Variants in SSH1 observed in about 807,000 individuals in gnomAD.
The protein encoded by SSH1 is protein phosphatase Slingshot homolog 1.
A neutral mutation model predicts 79.7 loss-of-function variants in SSH1; 43 were observed. The ratio of observed to expected loss-of-function variants is 0.54; its 90% CI spans 0.42 to 0.70. The LOEUF (loss-of-function observed/expected upper bound fraction) is 0.70. Ranked by LOEUF, SSH1 falls within the 30% of genes least tolerant of loss-of-function variation. The pLI, the probability that SSH1 is intolerant of heterozygous loss-of-function variation, is 0.00. For synonymous variants in SSH1, 599 were observed against 538.3 expected, an observed-to-expected ratio of 1.11 and a Z score of -1.56; for missense variants, 1,206 against 1,358.8, an observed-to-expected ratio of 0.89 and a Z score of 1.77.
At chr12:108,800,958 G>C (rs2036974730) in intron 11 of SSH1, 32 bp from the exon 12 acceptor site, 1 of 1,601,910 alleles carries the variant, frequency 6.2e-7, no homozygotes, top group Admixed American at 1.7e-5. Flanking sequence ...AAACAAATTT[G>C]GACAATCTGA....
Position 108,792,656 on chromosome 12 carries a change from G to C in SSH1, c.1523C>G (p.Pro508Arg), listed in dbSNP as rs1475410779. ...AAQPGLGPPL[P>R]CCFRRLSDPL... The stretch of plus-strand genomic sequence containing the variant: ...GTCTGAGAGTCGCCGGAAACAGCAG[G>C]GGAGGGGGGGCCCTAAGCCGGGCTG... The change falls in exon 14 of 15, where the codon CCC (proline) becomes CGC (arginine). Residue 508 changes from proline to arginine, a missense_variant. By Grantham distance (103) the Pro-to-Arg change is moderately radical. This residue lies in a region of SSH1 where 709 missense variants were observed against 730.6 expected (regional missense o/e 0.97). Transcript: ENST00000326495. 3 of 1,611,942 alleles carry C rather than the reference G, an allele frequency of 1.9e-6. No individual in the cohort carries two copies. The South Asian group carries it at 3.3e-5, about 18-fold the overall frequency.
chr12:108,852,866 A>T, intron 1 of SSH1, 188 bp from the exon 2 acceptor site: 2 of 985,102 alleles, frequency 2.0e-6, no homozygotes, highest in Non-Finnish European at 2.4e-6. Flanking sequence ...TCCGTGGGGG[A>T]ATTTTCAGGT....
Position 108,807,764 on chromosome 12 carries a change from C to T in SSH1, c.600G>A (p.Gly200=), listed in dbSNP as rs748845939. 2.1e-5 allele frequency: 34 copies of T among 1,613,756 alleles called. No individual in the cohort carries two copies. In the South Asian group the frequency reaches 3.6e-4, roughly 17 times the overall value. ...EVARRHNYFP[G]GVALIWATYY... ...AGGTAGCCCAGATGAGAGCTACACC[C>T]CCGGGGAAGTAGTTGTGCCTCCGGG... Residue 200 remains glycine (G), a synonymous_variant, in exon 8 of 15, where the codon GGG becomes GGA. Transcript: ENST00000326495. The surrounding 1 kb of genome is among the most constrained non-coding windows in gnomAD (Gnocchi z 5.2).
At chr12:108,806,098 C>T (rs571502529) in intron 9 of SSH1, among the ~76,000 whole-genome samples, 3 of 152,134 alleles carry the variant, frequency 2.0e-5, no homozygotes, top group African/African-American at 7.2e-5. Flanking sequence ...AGCCGATAAG[C>T]GGCAGATCTG....
At chr12:108,821,906 A>C (rs1336294229) in intron 3 of SSH1, among the ~76,000 whole-genome samples, 1 of 152,240 alleles carries the variant, frequency 6.6e-6, no homozygotes, top group Non-Finnish European at 1.5e-5. Context: ...AAAACTGGCC[A>C]CAATAGCTGG....
At chr12:108,800,691 G>C (rs151093216) in intron 12 of SSH1, 89 bp downstream of exon 12, 2 of 1,530,688 alleles carry the variant, frequency 1.3e-6, no homozygotes, top group African/African-American at 1.4e-5. Context: ...CCCACCAGCC[G>C]ACTTCTGCAT....
intron 13 of SSH1, among the ~76,000 whole-genome samples, chr12:108,795,514 C>T (rs1234934961): frequency 6.6e-6 from 1 of 151,964 alleles, no homozygotes; most frequent in Non-Finnish European, 1.5e-5. Context: ...ATCGGCCTCC[C>T]AAAGTGCTGG....
At chr12:108,799,948 G>A (rs1156609054) in intron 12 of SSH1, among the ~76,000 whole-genome samples, 1 of 152,256 alleles carries the variant, frequency 6.6e-6, no homozygotes, top group Non-Finnish European at 1.5e-5. Flanking sequence ...CCCACCAGGT[G>A]GGAGCCGGCT....
At chr12:108,822,832 T>G (rs2038173178) in intron 3 of SSH1, among the ~76,000 whole-genome samples, 1 of 152,226 alleles carries the variant, frequency 6.6e-6, no homozygotes, top group African/African-American at 2.4e-5. Context: ...CTTCAAGAAA[T>G]TCTCCAAATG....
intron 5 of SSH1, 98 bp downstream of exon 5, chr12:108,816,940 C>T (rs1462202611): frequency 3.2e-6 from 5 of 1,573,144 alleles, no homozygotes; most frequent in Non-Finnish European, 4.4e-6. Flanking sequence ...GGACGCAGCC[C>T]TCTCCCACCT....
At chr12:108,810,641 C>T (rs2037535601) in intron 6 of SSH1, among the ~76,000 whole-genome samples, 1 of 152,252 alleles carries the variant, frequency 6.6e-6, no homozygotes, top group African/African-American at 2.4e-5. Context: ...TCCTACAAGG[C>T]AACATAACTC....
chr12:108,828,384 C>T (rs1047326029), intron 2 of SSH1, among the ~76,000 whole-genome samples: 3 of 152,174 alleles, frequency 2.0e-5, no homozygotes, highest in South Asian at 4.1e-4. Context: ...ATCTGCCCCA[C>T]GCCCACCTGC....
chr12:108,802,837 C>T (rs1315037902), intron 10 of SSH1, among the ~76,000 whole-genome samples: 1 of 152,168 alleles, frequency 6.6e-6, no homozygotes, highest in African/African-American at 2.4e-5. Flanking sequence ...AGTAATTCCA[C>T]TTACAAAAAG....
At chr12:108,808,329 G>A (rs886560729) in intron 7 of SSH1, among the ~76,000 whole-genome samples, 1 of 152,212 alleles carries the variant, frequency 6.6e-6, no homozygotes, top group Admixed American at 6.5e-5. Context: ...CATTCAGCCC[G>A]CCAGGACACG....
chr12:108,856,404 C>A (rs1391450501), intron 1 of SSH1, among the ~76,000 whole-genome samples: 2 of 152,204 alleles, frequency 1.3e-5, no homozygotes, highest in Non-Finnish European at 2.9e-5. Flanking sequence ...GGACCTGGGC[C>A]ACACACAGAC....
intron 2 of SSH1, among the ~76,000 whole-genome samples, chr12:108,834,653 C>A (rs1262959061): frequency 6.6e-6 from 1 of 152,170 alleles, no homozygotes; most frequent in Non-Finnish European, 1.5e-5. Context: ...GAAGGAAAGA[C>A]CACCCTTAGT....
intron 3 of SSH1, among the ~76,000 whole-genome samples, chr12:108,820,053 T>C (rs928194990): frequency 6.6e-6 from 1 of 152,104 alleles, no homozygotes; most frequent in Admixed American, 6.5e-5. Context: ...TTTTCTTTTT[T>C]TTTCAATAGA....
intron 10 of SSH1, among the ~76,000 whole-genome samples, chr12:108,804,218 G>C (rs1286849623): frequency 6.6e-6 from 1 of 152,218 alleles, no homozygotes; most frequent in Non-Finnish European, 1.5e-5. Context: ...ACTGTGCCCA[G>C]TTTGTATTTC....
intron 2 of SSH1, among the ~76,000 whole-genome samples, chr12:108,828,364 A>G (rs1369908890): frequency 6.6e-6 from 1 of 152,070 alleles, no homozygotes; most frequent in Non-Finnish European, 1.5e-5. Flanking sequence ...ATGGGGCTGG[A>G]CTCACATCTA....
Sources: gnomAD v4.1 joint callset for allele counts (sites outside exome capture counted in the v4.1 genomes callset) on GRCh38, gnomAD v4.1.1 for gene constraint, gnomAD v4.1.1 regional missense constraint, Gnocchi (gnomAD v3.1) non-coding constraint, MANE v1.5 for transcripts, NCBI Gene and HGNC (gene_info 2026-07-23, HGNC 2026-07-21) for gene names.